NUBPL: variants seen among roughly 807,000 people sequenced by gnomAD.
NUBPL encodes the protein NUBP iron-sulfur cluster assembly factor, mitochondrial.
NUBPL carries 31 observed loss-of-function variants against 45.7 expected under a neutral mutation model. The ratio of observed to expected loss-of-function variants is 0.68; its 90% CI spans 0.51 to 0.92. NUBPL has a LOEUF of 0.92. Among genes scored for constraint, NUBPL ranks in the 40% least tolerant of loss-of-function variants. NUBPL has a pLI of 0.00. For missense variants in NUBPL, 401 were observed against 398.7 expected, an observed-to-expected ratio of 1.01 and a Z score of -0.05; for synonymous variants, 144 against 140.9, an observed-to-expected ratio of 1.02 and a Z score of -0.15.
At chr14:31,592,717 C>A (rs1368612157) in intron 3 of NUBPL, among the ~76,000 whole-genome samples, 1 of 152,074 alleles carries the variant, frequency 6.6e-6, no homozygotes, top group African/African-American at 2.4e-5. Flanking sequence ...AGCAAATTTT[C>A]ATCTCTCTTT....
At chr14:31,822,401 G>A (rs2040032415) in intron 7 of NUBPL, among the ~76,000 whole-genome samples, 1 of 152,036 alleles carries the variant, frequency 6.6e-6, no homozygotes. Flanking sequence ...TTTTACTGGA[G>A]ATTATGTTGT....
intron 4 of NUBPL, among the ~76,000 whole-genome samples, chr14:31,638,272 A>T (rs149745802): frequency 3.6e-4 from 55 of 151,308 alleles, no homozygotes; most frequent in Non-Finnish European, 6.8e-4. Context: ...GAGCTCTTTT[A>T]GGGCAGGCCT....
At chr14:31,737,577 G>A (rs2038190438) in intron 6 of NUBPL, among the ~76,000 whole-genome samples, 1 of 152,148 alleles carries the variant, frequency 6.6e-6, no homozygotes, top group South Asian at 2.1e-4. Flanking sequence ...GAGGTTAGGG[G>A]CTTGAGACCA....
chr14:31,605,165 A>G (rs1236759724), intron 4 of NUBPL, among the ~76,000 whole-genome samples: 2 of 152,222 alleles, frequency 1.3e-5, no homozygotes, highest in African/African-American at 4.8e-5. Context: ...ATATTATAGT[A>G]TAGCCAAATT....
At chr14:31,600,514 A>G (rs935995536) in intron 4 of NUBPL, among the ~76,000 whole-genome samples, 8 of 152,190 alleles carry the variant, frequency 5.3e-5, no homozygotes, top group Non-Finnish European at 1.0e-4. Context: ...CAAACTTTAC[A>G]CAAGACTGTG....
At chr14:31,706,284 G>A (rs2037450428) in intron 6 of NUBPL, among the ~76,000 whole-genome samples, 1 of 152,188 alleles carries the variant, frequency 6.6e-6, no homozygotes, top group Non-Finnish European at 1.5e-5. Context: ...AGCTCTTTAG[G>A]CCAGTGGAAG....
At chr14:31,827,469 C>G (rs183319067) in intron 8 of NUBPL, among the ~76,000 whole-genome samples, 1 of 152,140 alleles carries the variant, frequency 6.6e-6, no homozygotes, top group East Asian at 1.9e-4. Context: ...TCATCACCTT[C>G]TTTATAGTAA....
intron 8 of NUBPL, among the ~76,000 whole-genome samples, chr14:31,830,691 G>T (rs1432102629): frequency 6.6e-6 from 1 of 152,152 alleles, no homozygotes; most frequent in African/African-American, 2.4e-5. Flanking sequence ...AAGAATGCAG[G>T]TTTTGGATAG....
chr14:31,614,149 T>C (rs1047714767), intron 4 of NUBPL, among the ~76,000 whole-genome samples: 1 of 152,174 alleles, frequency 6.6e-6, no homozygotes, highest in African/African-American at 2.4e-5. Flanking sequence ...AGAACCCTAA[T>C]ATAGGGGCTA....
chr14:31,853,048 T>C (rs899341643), intron 10 of NUBPL, among the ~76,000 whole-genome samples: 1 of 151,956 alleles, frequency 6.6e-6, no homozygotes, highest in African/African-American at 2.4e-5. Context: ...TTGTTAATTA[T>C]CCACTTTAGA....
intron 6 of NUBPL, among the ~76,000 whole-genome samples, chr14:31,721,365 A>G (rs1243685696): frequency 6.6e-6 from 1 of 152,328 alleles, no homozygotes; most frequent in East Asian, 1.9e-4. Context: ...AAGCATTTCC[A>G]GTAGATTCCA....
At chr14:31,816,020 G>A (rs1447328618) in intron 7 of NUBPL, among the ~76,000 whole-genome samples, 7 of 152,128 alleles carry the variant, frequency 4.6e-5, no homozygotes, top group Non-Finnish European at 8.8e-5. Flanking sequence ...TCTCTGCCAG[G>A]TTTTGGTATC....
At chr14:31,805,474 G>A (rs1157311685) in intron 7 of NUBPL, among the ~76,000 whole-genome samples, 3 of 151,972 alleles carry the variant, frequency 2.0e-5, no homozygotes, top group African/African-American at 7.2e-5. Context: ...GTGTACATTT[G>A]TTGCACTACT....
chr14:31,811,411 G>A (rs939332383), intron 7 of NUBPL, among the ~76,000 whole-genome samples: 5 of 151,920 alleles, frequency 3.3e-5, no homozygotes, highest in Non-Finnish European at 5.9e-5. Flanking sequence ...TGATCGAATC[G>A]GCTACTGAAG....
At chr14:31,665,869 C>A (rs755609614) in intron 4 of NUBPL, among the ~76,000 whole-genome samples, 3 of 152,066 alleles carry the variant, frequency 2.0e-5, no homozygotes, top group Non-Finnish European at 2.9e-5. Flanking sequence ...GAGTCTAAGT[C>A]TCTTTGTAGG....
intron 2 of NUBPL, 30 bp from the exon 3 acceptor site, chr14:31,564,984 A>T: frequency 1.5e-6 from 2 of 1,354,332 alleles, no homozygotes; most frequent in Non-Finnish European, 2.1e-6. Context: ...GAAAGTTACT[A>T]AATTCAATTA....
At chr14:31,848,292 G>A (rs1021026346) in intron 9 of NUBPL, among the ~76,000 whole-genome samples, 14 of 152,318 alleles carry the variant, frequency 9.2e-5, no homozygotes, top group African/African-American at 3.1e-4. Flanking sequence ...CCATGAAGTG[G>A]AGCAGGGCTT....
At chr14:31,772,433 A>G (rs2039025502) in intron 6 of NUBPL, among the ~76,000 whole-genome samples, 1 of 152,200 alleles carries the variant, frequency 6.6e-6, no homozygotes. Context: ...CTTGGCCTAA[A>G]GCAGGACTTT....
intron 4 of NUBPL, among the ~76,000 whole-genome samples, chr14:31,620,683 G>A (rs928720936): frequency 6.6e-6 from 1 of 152,134 alleles, no homozygotes; most frequent in Non-Finnish European, 1.5e-5. Context: ...CCCACCAGAC[G>A]CCAGCCAGAG....
Sources: allele counts gnomAD v4.1 joint callset (sites outside exome capture counted in the v4.1 genomes callset), GRCh38; gene constraint gnomAD v4.1.1; transcripts MANE v1.5; gene names NCBI Gene and HGNC (gene_info 2026-07-23, HGNC 2026-07-21).